Variants in CNTN4 observed in about 807,000 individuals in gnomAD.
The protein encoded by CNTN4 is contactin-4.
Under a neutral mutation model 122.5 loss-of-function variants are expected in CNTN4, and 77 were observed. The observed-to-expected ratio is 0.63, with a 90% CI of 0.52 to 0.76. The LOEUF (loss-of-function observed/expected upper bound fraction) is 0.76, where lower values mean the gene tolerates loss of function less well. Among genes scored for constraint, CNTN4 ranks in the 30% least tolerant of loss-of-function variants. The pLI is 0.00. For synonymous variants in CNTN4, 512 were observed against 447.0 expected (o/e 1.15, Z -1.83); for missense variants, 1,256 against 1,259.1 (o/e 1.00, Z 0.04).
rs566621387 is a variant in CNTN4, at chr3:2,952,254, T to C, written c.1358+26475T>C. ...ACCTGTCTGGACTCACAGCTCCCTATGTATGTTGAACTCTTAGTCCAAGAC... is the reference window on the plus strand; with the variant it reads ...ACCTGTCTGGACTCACAGCTCCCTACGTATGTTGAACTCTTAGTCCAAGAC... On this transcript the variant is annotated intron_variant, in intron 13 of 24. Transcript: ENST00000418658. Among the ~76,000 whole-genome samples, 180 of 131,680 alleles carry C rather than the reference T, an allele frequency of 1.4e-3. No homozygotes were observed. In the Middle Eastern group the frequency reaches 0.02, roughly 15 times the overall value. The allele number at this position is 131,680 out of a possible 152,430, so 86.4% of individuals were successfully genotyped here. A position where few individuals can be genotyped will look rare whatever the true frequency, so the allele number is the denominator to read the frequency against.
At chr3:2,972,393 T>C (rs1183206628) in intron 13 of CNTN4, among the ~76,000 whole-genome samples, 1 of 152,096 alleles carries the variant, frequency 6.6e-6, no homozygotes, top group African/African-American at 2.4e-5. Context: ...ATTTACCCAA[T>C]GTAGACATGT....
intron 6 of CNTN4, among the ~76,000 whole-genome samples, chr3:2,798,160 T>C (rs958373417): frequency 2.0e-5 from 3 of 149,888 alleles, no homozygotes; most frequent in Non-Finnish European, 3.0e-5. Flanking sequence ...CTTGAGAACA[T>C]GTGGTATTTG....
intron 4 of CNTN4, among the ~76,000 whole-genome samples, chr3:2,596,466 T>A (rs1276684364): frequency 1.3e-5 from 2 of 152,142 alleles, no homozygotes; most frequent in Non-Finnish European, 1.5e-5. Flanking sequence ...GAAATAGCAA[T>A]CATGTGTTGA....
chr3:2,992,452 A>T (rs887727971), intron 14 of CNTN4, among the ~76,000 whole-genome samples: 3 of 152,164 alleles, frequency 2.0e-5, no homozygotes, highest in African/African-American at 7.2e-5. Context: ...ATCATTAAGA[A>T]CTCTACAGAG....
chr3:2,102,146 A>G (rs79648173), intron 2 of CNTN4, among the ~76,000 whole-genome samples: 11,871 of 152,268 alleles, frequency 0.078, 751 homozygotes, highest in African/African-American at 0.17. Flanking sequence ...TTTAAAGACT[A>G]AGTACCAATG....
At chr3:2,460,327 T>G (rs2151427253) in intron 3 of CNTN4, among the ~76,000 whole-genome samples, 1 of 152,270 alleles carries the variant, frequency 6.6e-6, no homozygotes, top group South Asian at 2.1e-4. Flanking sequence ...ATTCTGACTG[T>G]TTCCACTTTG....
At chr3:3,050,795 G>C (rs965063500) in intron 23 of CNTN4, among the ~76,000 whole-genome samples, 4 of 144,914 alleles carry the variant, frequency 2.8e-5, no homozygotes, top group Non-Finnish European at 6.0e-5. Flanking sequence ...CCAGGCTCTG[G>C]AGCCAGACTG....
intron 6 of CNTN4, among the ~76,000 whole-genome samples, chr3:2,787,076 A>C (rs2149926847): frequency 6.6e-6 from 1 of 152,294 alleles, no homozygotes; most frequent in Non-Finnish European, 1.5e-5. Flanking sequence ...CAAAAACTTG[A>C]AGGTATTTTA....
chr3:2,358,292 G>A (rs141105633), intron 3 of CNTN4, among the ~76,000 whole-genome samples: 195 of 152,228 alleles, frequency 1.3e-3, no homozygotes, highest in African/African-American at 4.4e-3. Flanking sequence ...ACTACAACAT[G>A]CAGACAGTAA....
At chr3:2,809,775 C>T (rs1257338833) in intron 6 of CNTN4, among the ~76,000 whole-genome samples, 2 of 152,156 alleles carry the variant, frequency 1.3e-5, no homozygotes, top group Non-Finnish European at 2.9e-5. Flanking sequence ...ATTGTAGTAA[C>T]CTCATGAGTT....
chr3:2,453,870 T>C (rs1037177581), intron 3 of CNTN4, among the ~76,000 whole-genome samples: 4 of 152,186 alleles, frequency 2.6e-5, no homozygotes, highest in Non-Finnish European at 4.4e-5. Flanking sequence ...ATGGTTTGAC[T>C]TGAAACCAGC....
At chr3:3,004,166 AG>A (rs1342607161) in intron 14 of CNTN4, among the ~76,000 whole-genome samples, 171 of 152,174 alleles carry the variant, frequency 1.1e-3, no homozygotes, top group Non-Finnish European at 9.6e-4. Flanking sequence ...AAAAAAAAAA[AG>A]AATGAATGAA....
At chr3:2,674,240 A>G (rs1456828266) in intron 4 of CNTN4, among the ~76,000 whole-genome samples, 1 of 152,184 alleles carries the variant, frequency 6.6e-6, no homozygotes, top group Non-Finnish European at 1.5e-5. Context: ...ACACAAACTG[A>G]TTTCATAAAT....
At chr3:2,649,302 G>C (rs990909806) in intron 4 of CNTN4, among the ~76,000 whole-genome samples, 1 of 152,182 alleles carries the variant, frequency 6.6e-6, no homozygotes, top group African/African-American at 2.4e-5. Context: ...TAAGTAGAGA[G>C]GACAAGTCAA....
Position 2,832,944 on chromosome 3 carries a change from A to C in CNTN4, c.454+13363A>C, listed in dbSNP as rs144018986. 3.6e-3 allele frequency among the ~76,000 whole-genome samples: 551 copies of C among 152,332 alleles called. 3 individuals are homozygous for C. Among genetic ancestry groups the C allele is most frequent in the African/African-American group, 0.013 (521 of 41,584 alleles). ...GAGTTAAATAAAAAATAAAATATCT[A>C]CACTATGTAAATGAATAATAAAATA... is the stretch of plus-strand genomic sequence containing the variant. On this transcript the variant is annotated intron_variant, in intron 7 of 24. Transcript: ENST00000418658.
chr3:2,311,598 C>T lies in CNTN4; in HGVS notation c.-144-27580C>T, dbSNP rs181176420. Among the ~76,000 whole-genome samples the T allele has an allele frequency of 2.2e-3, 331 of 152,202 alleles. 1 individual carries two copies. Among genetic ancestry groups the T allele is most frequent in the African/African-American group, 7.7e-3 (319 of 41,550 alleles). On this transcript the variant is annotated intron_variant, in intron 2 of 24. Coordinates refer to ENST00000418658, the MANE Select transcript of CNTN4 (RefSeq NM_175607.3). ...GCTGTGCACCTGTGAGAACAAATAA[C>T]TGATGTTCCTTTTGGTCACTCAGCA...
intron 2 of CNTN4, among the ~76,000 whole-genome samples, chr3:2,315,917 T>G (rs540050434): frequency 3.3e-5 from 5 of 152,192 alleles, no homozygotes; most frequent in African/African-American, 1.2e-4. Flanking sequence ...TGATGAATGT[T>G]TGTTGAATAT....
chr3:2,868,109 A>G (rs1402504073), intron 8 of CNTN4, among the ~76,000 whole-genome samples: 3 of 152,238 alleles, frequency 2.0e-5, no homozygotes, highest in African/African-American at 7.2e-5. Flanking sequence ...GACGAGACCC[A>G]TCACACAAGT....
intron 6 of CNTN4, among the ~76,000 whole-genome samples, chr3:2,785,895 G>GCCCCCCCCCCCCCCCCCCCCCCCCCCCCC (rs149802098): frequency 1.2e-5 from 1 of 81,668 alleles, no homozygotes; most frequent in Admixed American, 1.5e-4. Context: ...GGCCCACGCT[G>GCCCCCCCCCCCCCCCCCCCCCCCCCCCCC]CCCCCCCCCG....
Sources: gnomAD v4.1 joint callset for allele counts (sites outside exome capture counted in the v4.1 genomes callset) on GRCh38, gnomAD v4.1.1 for gene constraint, MANE v1.5 for transcripts, NCBI Gene and HGNC (gene_info 2026-07-23, HGNC 2026-07-21) for gene names.